Variants in PIK3CB observed in about 807,000 individuals in gnomAD.
PIK3CB encodes the protein phosphatidylinositol 4,5-bisphosphate 3-kinase catalytic subunit beta isoform.
A neutral mutation model predicts 136.8 loss-of-function variants in PIK3CB; 39 were observed. That is an observed-to-expected ratio of 0.29 (90% CI 0.22 to 0.37). The LOEUF (loss-of-function observed/expected upper bound fraction) is 0.37. PIK3CB is among the 10% of genes least tolerant of loss of function. The pLI is 1.00. For synonymous variants in PIK3CB, 428 were observed against 436.6 expected (o/e 0.98, Z 0.25); for missense variants, 868 against 1,275.4 (o/e 0.68, Z 4.87).
In PIK3CB at chr3:138,663,940, T is replaced by C; in HGVS notation, c.2762A>G (p.His921Arg). Reference protein sequence around the residue: ...ASYVLGIGDRHSDNIMVKKTG... With the variant: ...ASYVLGIGDRRSDNIMVKKTG... ...TTTTTTGACCATGATGTTGTCACTA[T>C]GTCTGTCACCAATCCCAAGGACATA... The change falls in exon 21 of 24, where the codon CAT (histidine) becomes CGT (arginine). Residue 921 changes from histidine to arginine, a missense_variant. By Grantham distance (29) the His-to-Arg change is conservative. Transcript: ENST00000674063. The C allele has an allele frequency of 1.2e-6, 2 of 1,614,110 alleles. No homozygotes were observed. Among genetic ancestry groups the C allele is most frequent in the Non-Finnish European group, 1.7e-6 (2 of 1,179,994 alleles).
At chr3:138,829,084 G>T (rs1164271557) in intron 1 of PIK3CB, among the ~76,000 whole-genome samples, 1 of 151,458 alleles carries the variant, frequency 6.6e-6, no homozygotes, top group Admixed American at 6.6e-5. Context: ...TTACAAGCGT[G>T]AGCCTCCGTG....
chr3:138,788,836 C>T (rs2046012791), intron 2 of PIK3CB, among the ~76,000 whole-genome samples: 1 of 151,030 alleles, frequency 6.6e-6, no homozygotes, highest in Admixed American at 6.6e-5. Flanking sequence ...TAGTGGTACG[C>T]ACCTGTAATC....
intron 14 of PIK3CB, among the ~76,000 whole-genome samples, chr3:138,693,677 GGCATAA>G (rs1559819298): frequency 6.6e-6 from 1 of 152,024 alleles, no homozygotes; most frequent in African/African-American, 2.4e-5. Context: ...AGGGATTACA[GGCATAA>G]GCCACCACAC....
intron 21 of PIK3CB, among the ~76,000 whole-genome samples, chr3:138,659,519 A>G (rs1296783568): frequency 2.8e-5 from 4 of 145,024 alleles, no homozygotes; most frequent in African/African-American, 5.0e-5. Context: ...TCCATCTCAG[A>G]AAAAAAAAAA....
At chr3:138,813,045 T>C (rs1259064237) in intron 1 of PIK3CB, among the ~76,000 whole-genome samples, 1 of 152,152 alleles carries the variant, frequency 6.6e-6, no homozygotes, top group East Asian at 1.9e-4. Flanking sequence ...ACTGGAGTAT[T>C]ATGGGTAAAG....
intron 12 of PIK3CB, 136 bp downstream of exon 12, chr3:138,704,307 G>T: frequency 1.4e-6 from 1 of 698,754 alleles, no homozygotes. Context: ...ACTATCATGT[G>T]CATACTTACC....
intron 3 of PIK3CB, among the ~76,000 whole-genome samples, chr3:138,756,374 AC>A (rs2045567718): frequency 6.6e-6 from 1 of 152,118 alleles, no homozygotes; most frequent in Non-Finnish European, 1.5e-5. Context: ...CTCAATGAAA[AC>A]TTTCATATTT....
intron 15 of PIK3CB, among the ~76,000 whole-genome samples, chr3:138,689,928 T>TA (rs1311131687): frequency 6.6e-6 from 1 of 152,214 alleles, no homozygotes; most frequent in Non-Finnish European, 1.5e-5. Flanking sequence ...TGACTGGTAT[T>TA]AAACAATTGA....
chr3:138,673,401 T>C (rs2043577718), intron 19 of PIK3CB, among the ~76,000 whole-genome samples: 1 of 152,084 alleles, frequency 6.6e-6, no homozygotes, highest in Non-Finnish European at 1.5e-5. Flanking sequence ...TTTGATGCAC[T>C]AAGGTGTAAA....
At chr3:138,676,553 A>G (rs2043647878) in intron 19 of PIK3CB, among the ~76,000 whole-genome samples, 1 of 152,258 alleles carries the variant, frequency 6.6e-6, no homozygotes, top group Non-Finnish European at 1.5e-5. Context: ...TTATCTATGT[A>G]TAGTTTTATA....
At chr3:138,807,673 A>G (rs1009221921) in intron 1 of PIK3CB, among the ~76,000 whole-genome samples, 1 of 152,066 alleles carries the variant, frequency 6.6e-6, no homozygotes, top group African/African-American at 2.4e-5. Context: ...TGGGAGGATC[A>G]CTTGAGTCCA....
At chr3:138,805,799 G>A (rs961523026) in intron 1 of PIK3CB, among the ~76,000 whole-genome samples, 24 of 151,666 alleles carry the variant, frequency 1.6e-4, no homozygotes, top group African/African-American at 5.3e-4. Context: ...GCGCAATCTC[G>A]GCTCACTGAA....
chr3:138,790,819 A>G (rs1018817205), intron 2 of PIK3CB, among the ~76,000 whole-genome samples: 3 of 150,554 alleles, frequency 2.0e-5, no homozygotes, highest in African/African-American at 7.3e-5. Context: ...TTCTCAAAAA[A>G]AAAAAAAAAA....
chr3:138,707,548 T>C (rs751036995), intron 10 of PIK3CB: 67 of 1,208,570 alleles, frequency 5.5e-5, no homozygotes, highest in Admixed American at 5.1e-4. Flanking sequence ...TCAAATTTAG[T>C]TCTCAATCTT....
In PIK3CB at chr3:138,742,792, T is replaced by G. The variant is rs750069880; in HGVS notation, c.398-11A>C. On this transcript the variant is annotated splice_polypyrimidine_tract_variant and intron_variant, in intron 4 of 23. Coordinates refer to ENST00000674063, the MANE Select transcript of PIK3CB (RefSeq NM_006219.3). ...CAAATTCATGCAGACCTAAACACAT[T>G]TTTTAAAGGTGTCATTTTCAGTAAC... 7.0e-7 allele frequency: 1 copy of G among 1,429,952 alleles called. No individual in the cohort carries two copies. The highest frequency in any genetic ancestry group is 9.7e-7 in the Non-Finnish European group (1 of 1,030,256). The allele number at this position is 1,429,952 out of a possible 1,614,324, so 88.6% of individuals were successfully genotyped here.
chr3:138,736,868 A>G (rs1378016610), intron 6 of PIK3CB, among the ~76,000 whole-genome samples: 15 of 152,252 alleles, frequency 9.9e-5, no homozygotes, highest in Non-Finnish European at 2.2e-4. Flanking sequence ...CCACGCATAA[A>G]TATTTCAGAC....
intron 21 of PIK3CB, among the ~76,000 whole-genome samples, chr3:138,659,863 C>CTT (rs1559795082): frequency 4.7e-5 from 6 of 128,354 alleles, no homozygotes; most frequent in African/African-American, 1.6e-4. Context: ...CTTCTTTCCT[C>CTT]TTCTTTTTTT....
At chr3:138,680,352 T>A (rs1240406553) in intron 19 of PIK3CB, among the ~76,000 whole-genome samples, 5 of 149,340 alleles carry the variant, frequency 3.3e-5, no homozygotes, top group Non-Finnish European at 5.9e-5. Flanking sequence ...AGCGAGACTG[T>A]CTCAAAAAAA....
intron 8 of PIK3CB, among the ~76,000 whole-genome samples, chr3:138,726,153 T>C (rs1388457540): frequency 2.0e-5 from 3 of 152,232 alleles, no homozygotes; most frequent in African/African-American, 7.2e-5. Context: ...GCTAATGGAA[T>C]ATGCCACTGT....
Sources: gnomAD v4.1 joint callset for allele counts (sites outside exome capture counted in the v4.1 genomes callset) on GRCh38, gnomAD v4.1.1 for gene constraint, MANE v1.5 for transcripts, NCBI Gene and HGNC (gene_info 2026-07-23, HGNC 2026-07-21) for gene names.